Variants in LRMDA observed in about 807,000 individuals in gnomAD.
The protein encoded by LRMDA is leucine rich melanocyte differentiation associated, also known as leucine-rich melanocyte differentiation-associated protein.
In LRMDA, 18 loss-of-function variants were observed where a neutral mutation model predicts 29.8. The observed-to-expected ratio is 0.60, with a 90% CI of 0.42 to 0.90. The LOEUF (loss-of-function observed/expected upper bound fraction) is 0.90, where lower values mean the gene tolerates loss of function less well. Ranked by LOEUF, LRMDA falls within the 40% of genes least tolerant of loss-of-function variation. The pLI is 0.00. For synonymous variants in LRMDA, 125 were observed against 109.4 expected (o/e 1.14, Z -0.89); for missense variants, 273 against 273.9 (o/e 1.00, Z 0.02).
At chr10:75,891,484 C>CAA (rs2132354079) in intron 2 of LRMDA, among the ~76,000 whole-genome samples, 1 of 152,288 alleles carries the variant, frequency 6.6e-6, no homozygotes, top group South Asian at 2.1e-4. Flanking sequence ...CAGAAGCTTG[C>CAA]TGGTGACTTT....
intron 2 of LRMDA, among the ~76,000 whole-genome samples, chr10:75,577,078 A>C (rs1840515790): frequency 6.6e-6 from 1 of 152,190 alleles, no homozygotes; most frequent in African/African-American, 2.4e-5. Context: ...GGTGGGTAAT[A>C]ATAAACTCCT....
At chr10:76,331,537 C>A (rs939922275) in intron 6 of LRMDA, among the ~76,000 whole-genome samples, 5 of 151,744 alleles carry the variant, frequency 3.3e-5, no homozygotes, top group Admixed American at 1.3e-4. Flanking sequence ...TGAAAAGTGG[C>A]AAAAGGAAAG....
chr10:76,080,581 G>A (rs753518673), intron 5 of LRMDA, among the ~76,000 whole-genome samples: 3 of 152,230 alleles, frequency 2.0e-5, no homozygotes, highest in Non-Finnish European at 4.4e-5. Context: ...TGCAATTTAT[G>A]TGGATGCTTG....
intron 2 of LRMDA, among the ~76,000 whole-genome samples, chr10:75,839,054 C>A (rs1275542565): frequency 5.3e-5 from 8 of 152,258 alleles, no homozygotes; most frequent in African/African-American, 1.9e-4. Flanking sequence ...ATCCTCCAGG[C>A]CTATCCTTCA....
At chr10:76,432,445 G>C (rs1842200820) in intron 6 of LRMDA, among the ~76,000 whole-genome samples, 1 of 152,152 alleles carries the variant, frequency 6.6e-6, no homozygotes, top group African/African-American at 2.4e-5. Flanking sequence ...ACTTTGAGAT[G>C]ATCTGGCCCC....
intron 6 of LRMDA, among the ~76,000 whole-genome samples, chr10:76,536,975 A>G (rs1383214795): frequency 2.0e-5 from 3 of 152,204 alleles, no homozygotes; most frequent in Non-Finnish European, 4.4e-5. Context: ...CATTCTTTAA[A>G]TAAGAGCTTT....
chr10:75,704,388 C>T (rs186361880), intron 2 of LRMDA, among the ~76,000 whole-genome samples: 16 of 152,224 alleles, frequency 1.1e-4, no homozygotes, highest in Admixed American at 1.0e-3. Flanking sequence ...TTATTTTGTA[C>T]TCATACCTTT....
intron 5 of LRMDA, among the ~76,000 whole-genome samples, chr10:76,145,198 G>T (rs1482121566): frequency 3.9e-5 from 6 of 152,176 alleles, no homozygotes; most frequent in African/African-American, 1.4e-4. Context: ...GATGAGGCTG[G>T]CCTCATAAAA....
chr10:75,675,870 C>T (rs1223540669), intron 2 of LRMDA, among the ~76,000 whole-genome samples: 1 of 152,192 alleles, frequency 6.6e-6, no homozygotes, highest in African/African-American at 2.4e-5. Context: ...CCGCAAGGTC[C>T]AGTGTTTCTT....
chr10:75,643,623 A>G (rs1841480442), intron 2 of LRMDA, among the ~76,000 whole-genome samples: 1 of 152,236 alleles, frequency 6.6e-6, no homozygotes, highest in Non-Finnish European at 1.5e-5. Flanking sequence ...CCATCTTTGG[A>G]ACATATGCCA....
intron 2 of LRMDA, among the ~76,000 whole-genome samples, chr10:75,991,693 G>T (rs1050905552): frequency 4.6e-5 from 7 of 152,232 alleles, no homozygotes; most frequent in African/African-American, 1.7e-4. Flanking sequence ...GTGGGAAGTA[G>T]TGATGTTGTG....
chr10:76,058,634 T>A, intron 4 of LRMDA, 32 bp from the exon 5 acceptor site: 1 of 1,568,868 alleles, frequency 6.4e-7, no homozygotes, highest in Non-Finnish European at 8.8e-7. Flanking sequence ...CCACTCAAAC[T>A]TCCTGAGTTG....
At chr10:75,817,769 G>A (rs1317296059) in intron 2 of LRMDA, among the ~76,000 whole-genome samples, 1 of 152,222 alleles carries the variant, frequency 6.6e-6, no homozygotes, top group Non-Finnish European at 1.5e-5. Flanking sequence ...TATAGCTATA[G>A]TATCGGAGAA....
intron 2 of LRMDA, among the ~76,000 whole-genome samples, chr10:75,747,669 A>G (rs1842905358): frequency 6.6e-6 from 1 of 152,220 alleles, no homozygotes; most frequent in Non-Finnish European, 1.5e-5. Context: ...AAATGATCAG[A>G]TATTTTAGGG....
At chr10:76,101,829 C>T (rs957611767) in intron 5 of LRMDA, among the ~76,000 whole-genome samples, 2 of 152,166 alleles carry the variant, frequency 1.3e-5, no homozygotes, top group African/African-American at 4.8e-5. Context: ...TGTGTGACTG[C>T]CCTTTCTATC....
chr10:75,568,111 G>A (rs1427353787), intron 2 of LRMDA, among the ~76,000 whole-genome samples: 4 of 152,172 alleles, frequency 2.6e-5, no homozygotes, highest in Non-Finnish European at 5.9e-5. Context: ...GAGTCACTTG[G>A]CCAGGGTATG....
intron 5 of LRMDA, among the ~76,000 whole-genome samples, chr10:76,188,249 T>A (rs1851182695): frequency 6.6e-6 from 1 of 152,244 alleles, no homozygotes; most frequent in Non-Finnish European, 1.5e-5. Context: ...CTTCCTTTCC[T>A]GGCTGGGATT....
chr10:76,041,953 A>C (rs1412366753), intron 3 of LRMDA, among the ~76,000 whole-genome samples: 1 of 152,160 alleles, frequency 6.6e-6, no homozygotes, highest in Non-Finnish European at 1.5e-5. Flanking sequence ...AATGATCCCC[A>C]CTGCAGTGGT....
chr10:75,950,058 C>G (rs1267148603), intron 2 of LRMDA, among the ~76,000 whole-genome samples: 1 of 152,192 alleles, frequency 6.6e-6, no homozygotes, highest in African/African-American at 2.4e-5. Context: ...AGAGTCCTTG[C>G]CAAGACGGCA....
Sources: gnomAD v4.1 joint callset for allele counts (sites outside exome capture counted in the v4.1 genomes callset) on GRCh38, gnomAD v4.1.1 for gene constraint, MANE v1.5 for transcripts, NCBI Gene and HGNC (gene_info 2026-07-23, HGNC 2026-07-21) for gene names.